The following DPYD variants were observed in gnomAD, a reference collection of about 807,000 sequenced individuals.
DPYD encodes dihydropyrimidine dehydrogenase.
A neutral mutation model predicts 116.2 loss-of-function variants in DPYD; 109 were observed. The observed-to-expected ratio is 0.94, with a 90% CI of 0.80 to 1.10. The LOEUF (loss-of-function observed/expected upper bound fraction) is 1.10, where lower values mean the gene tolerates loss of function less well. DPYD is among the 50% of genes least tolerant of loss of function. The pLI is 0.00. For missense variants in DPYD, 1,302 were observed against 1,254.5 expected, an observed-to-expected ratio of 1.04 and a Z score of -0.57; for synonymous variants, 440 against 432.0, an observed-to-expected ratio of 1.02 and a Z score of -0.23.
intron 2 of DPYD, among the ~76,000 whole-genome samples, chr1:97,864,004 A>G (rs914927757): frequency 1.3e-5 from 2 of 152,014 alleles, no homozygotes; most frequent in African/African-American, 4.8e-5. Flanking sequence ...AATGCCAGGA[A>G]CTTAGTAGGT....
intron 16 of DPYD, among the ~76,000 whole-genome samples, chr1:97,363,004 G>C (rs1670820253): frequency 6.6e-6 from 1 of 152,136 alleles, no homozygotes. Flanking sequence ...ATTACCATCA[G>C]AGTGAACGGA....
intron 2 of DPYD, among the ~76,000 whole-genome samples, chr1:97,841,995 T>C (rs1191693133): frequency 1.3e-5 from 2 of 151,770 alleles, no homozygotes; most frequent in Non-Finnish European, 2.9e-5. Flanking sequence ...TGCATTATTA[T>C]TAAAATTAAA....
intron 11 of DPYD, among the ~76,000 whole-genome samples, chr1:97,559,193 A>G (rs776088978): frequency 1.3e-5 from 2 of 152,160 alleles, no homozygotes; most frequent in Non-Finnish European, 2.9e-5. Context: ...TTAAATGCTC[A>G]ATTATGTCAT....
At chr1:97,390,633 A>C (rs1314292364) in intron 14 of DPYD, among the ~76,000 whole-genome samples, 2 of 151,944 alleles carry the variant, frequency 1.3e-5, no homozygotes, top group African/African-American at 4.8e-5. Flanking sequence ...TGTCTTTTAA[A>C]ATTATTTAAA....
At chr1:97,420,821 C>T (rs77659472) in intron 14 of DPYD, among the ~76,000 whole-genome samples, 5,523 of 152,238 alleles carry the variant, frequency 0.036, 407 homozygotes, top group East Asian at 0.24. Context: ...AGTCATTCTT[C>T]AAGATGCCAA....
chr1:97,733,627 A>G (rs1437316857), intron 4 of DPYD, among the ~76,000 whole-genome samples: 1 of 152,000 alleles, frequency 6.6e-6, no homozygotes, highest in East Asian at 1.9e-4. Flanking sequence ...ACCCGTTTTT[A>G]TTACTTCAAA....
intron 1 of DPYD, among the ~76,000 whole-genome samples, chr1:97,899,745 T>C (rs1401364902): frequency 6.6e-6 from 1 of 151,916 alleles, no homozygotes; most frequent in Non-Finnish European, 1.5e-5. Flanking sequence ...TATATAGGAA[T>C]CTTAGGTAAA....
chr1:97,454,469 T>C (rs1676580940), intron 13 of DPYD, among the ~76,000 whole-genome samples: 2 of 151,932 alleles, frequency 1.3e-5, no homozygotes, highest in East Asian at 1.9e-4. Context: ...ATAGTTAGAG[T>C]AGAGAAGAGT....
intron 16 of DPYD, among the ~76,000 whole-genome samples, chr1:97,351,252 T>C (rs529622601): frequency 3.5e-4 from 54 of 152,178 alleles, no homozygotes; most frequent in African/African-American, 1.3e-3. Flanking sequence ...TTCCACTGCA[T>C]CTGGAAGCTG....
At chr1:97,203,886 C>G (rs1035129559) in intron 19 of DPYD, among the ~76,000 whole-genome samples, 2 of 150,972 alleles carry the variant, frequency 1.3e-5, no homozygotes, top group Admixed American at 6.6e-5. Flanking sequence ...TCCTGACTAC[C>G]TCTGAAAGCA....
At chr1:97,124,556 T>TA (rs1195519316) in intron 20 of DPYD, among the ~76,000 whole-genome samples, 2 of 152,156 alleles carry the variant, frequency 1.3e-5, no homozygotes, top group African/African-American at 2.4e-5. Flanking sequence ...TTATTTCTTT[T>TA]AACATGCTTT....
chr1:97,240,585 G>A (rs995448659), intron 18 of DPYD, among the ~76,000 whole-genome samples: 2 of 151,936 alleles, frequency 1.3e-5, no homozygotes, highest in Non-Finnish European at 2.9e-5. Context: ...CGTGCTCACT[G>A]TGTATGCAAA....
chr1:97,762,738 G>A (rs367685890), intron 3 of DPYD, among the ~76,000 whole-genome samples: 2 of 151,926 alleles, frequency 1.3e-5, no homozygotes, highest in East Asian at 3.9e-4. Context: ...CCAAAAAGAT[G>A]TACACCTCCA....
intron 18 of DPYD, among the ~76,000 whole-genome samples, chr1:97,286,569 G>C (rs1665699498): frequency 6.6e-6 from 1 of 152,162 alleles, no homozygotes; most frequent in African/African-American, 2.4e-5. Flanking sequence ...ATCAGACGTA[G>C]ATTTGGTCGT....
chr1:97,767,810 T>C (rs1480053991), intron 3 of DPYD, among the ~76,000 whole-genome samples: 1 of 135,378 alleles, frequency 7.4e-6, no homozygotes, highest in Non-Finnish European at 1.5e-5. Flanking sequence ...CCCCTGCAAA[T>C]ATCAACTGCA....
chr1:97,231,653 T>C (rs1364364647), intron 19 of DPYD, among the ~76,000 whole-genome samples: 1 of 152,148 alleles, frequency 6.6e-6, no homozygotes, highest in Non-Finnish European at 1.5e-5. Flanking sequence ...AAGGTGAGAT[T>C]TGAATTGTAA....
intron 3 of DPYD, among the ~76,000 whole-genome samples, chr1:97,768,658 C>T (rs1169566082): frequency 6.6e-6 from 1 of 152,084 alleles, no homozygotes; most frequent in Non-Finnish European, 1.5e-5. Context: ...ATTTCTGCTA[C>T]AAGATGCATA....
At chr1:97,616,371 G>A (rs1656268886) in intron 8 of DPYD, among the ~76,000 whole-genome samples, 6 of 151,938 alleles carry the variant, frequency 3.9e-5, no homozygotes, top group Admixed American at 3.9e-4. Context: ...AAATATCCAA[G>A]GATCAAAATG....
chr1:97,468,424 A>AC (rs1677449465), intron 13 of DPYD, among the ~76,000 whole-genome samples: 1 of 152,028 alleles, frequency 6.6e-6, no homozygotes, highest in Admixed American at 6.6e-5. Flanking sequence ...TATAGAAGAG[A>AC]CCCCTAGAGA....
Sources: gnomAD v4.1 joint callset for allele counts (sites outside exome capture counted in the v4.1 genomes callset) on GRCh38, gnomAD v4.1.1 for gene constraint, MANE v1.5 for transcripts, NCBI Gene and HGNC (gene_info 2026-07-23, HGNC 2026-07-21) for gene names.